The following CTNNA3 variants were observed in gnomAD, a reference collection of about 807,000 sequenced individuals.
CTNNA3 encodes catenin alpha-3.
CTNNA3 carries 76 observed loss-of-function variants against 95.7 expected under a neutral mutation model. The ratio of observed to expected loss-of-function variants is 0.79; its 90% confidence interval spans 0.66 to 0.96. CTNNA3 has a LOEUF of 0.96. Ranked by LOEUF, CTNNA3 falls within the 40% of genes least tolerant of loss-of-function variation. CTNNA3 has a pLI of 0.00. For synonymous variants in CTNNA3, 431 were observed against 374.4 expected (o/e 1.15, Z -1.74); for missense variants, 1,191 against 1,089.8 (o/e 1.09, Z -1.31).
chr10:67,761,356 C>T (rs765118498), intron 1 of CTNNA3, among the ~76,000 whole-genome samples: 19 of 152,136 alleles, frequency 1.2e-4, no homozygotes, highest in African/African-American at 4.1e-4. Context: ...CAGCATTAAA[C>T]TTCTATGATT....
chr10:67,097,124 G>T (rs1381836714), intron 7 of CTNNA3, among the ~76,000 whole-genome samples: 1 of 151,704 alleles, frequency 6.6e-6, no homozygotes, highest in East Asian at 1.9e-4. Flanking sequence ...GGGTGGCAGG[G>T]GGTTGACTAG....
intron 13 of CTNNA3, among the ~76,000 whole-genome samples, chr10:66,104,039 T>C (rs990533117): frequency 1.3e-5 from 2 of 152,186 alleles, no homozygotes; most frequent in African/African-American, 2.4e-5. Context: ...ATCATTAAAA[T>C]CATATATCAT....
At chr10:66,331,436 C>G (rs1173046501) in intron 12 of CTNNA3, among the ~76,000 whole-genome samples, 1 of 144,066 alleles carries the variant, frequency 6.9e-6, no homozygotes, top group Non-Finnish European at 1.5e-5. Context: ...TCACTGCAAG[C>G]TCCGCCTCCC....
At chr10:66,803,942 A>T (rs912299153) in intron 7 of CTNNA3, among the ~76,000 whole-genome samples, 1 of 151,576 alleles carries the variant, frequency 6.6e-6, no homozygotes, top group Non-Finnish European at 1.5e-5. Flanking sequence ...AAGCAGTTAC[A>T]ATTAAAAGAT....
rs74524873 is a variant in CTNNA3, at chr10:66,138,595, G to A, written c.1885-35346C>T. On this transcript the variant is annotated intron_variant, in intron 13 of 17. Coordinates refer to ENST00000433211, the MANE Select transcript of CTNNA3 (RefSeq NM_013266.4). ...TATAATTCCAGCACTTTGGGAGGCC[G>A]AGGTGGGCAGATCACCTGCCATCAG... 2.2e-3 allele frequency among the ~76,000 whole-genome samples: 340 copies of A among 152,290 alleles called. 5 individuals carry two copies. The East Asian group carries it at 0.028, about 13-fold the overall frequency.
At chr10:66,211,497 C>A (rs536196067) in intron 13 of CTNNA3, among the ~76,000 whole-genome samples, 65 of 152,280 alleles carry the variant, frequency 4.3e-4, no homozygotes, top group African/African-American at 1.3e-3. Context: ...AATGAGCTAC[C>A]TGCAGTTGGG....
intron 6 of CTNNA3, among the ~76,000 whole-genome samples, chr10:67,213,095 T>C (rs973070306): frequency 1.4e-4 from 22 of 151,898 alleles, no homozygotes; most frequent in Non-Finnish European, 4.4e-5. Context: ...CAGTAAAAAC[T>C]GTTAACTACT....
chr10:67,358,192 T>C (rs1842882915), intron 5 of CTNNA3, among the ~76,000 whole-genome samples: 2 of 152,058 alleles, frequency 1.3e-5, no homozygotes, highest in South Asian at 2.1e-4. Flanking sequence ...GAAGAAAACA[T>C]AGAAGAAAAT....
At position 66,655,252 on chromosome 10, in the gene CTNNA3, TTAGAA is replaced by T. The variant is rs1846036026; in HGVS notation, c.1282-33473_1282-33469del. Among the ~76,000 whole-genome samples, 3 of 152,194 alleles carry T rather than the reference TTAGAA, an allele frequency of 2.0e-5. No homozygotes were observed. In the South Asian group the frequency reaches 6.2e-4, roughly 32 times the overall value. On this transcript the variant is annotated intron_variant, in intron 9 of 17. Transcript: ENST00000433211. ...TTACTTAAGGTTTAGAAAGTAGAAA[TTAGAA>T]TAGTTACCTCTTTAAAGATATTTGC...
chr10:66,189,617 T>TATATATATATATATATACACAC (rs151078010), intron 13 of CTNNA3, among the ~76,000 whole-genome samples: 63 of 140,364 alleles, frequency 4.5e-4, no homozygotes, highest in African/African-American at 1.4e-3. Flanking sequence ...TATATATATA[T>TATATATATATATATATACACAC]ACACACATAC....
chr10:67,097,357 A>G (rs2394341), intron 7 of CTNNA3, among the ~76,000 whole-genome samples: 86,064 of 151,650 alleles, frequency 0.57, 26,184 homozygotes, highest in African/African-American at 0.8. Context: ...CTACTTATCC[A>G]AATCTTCTAG....
intron 2 of CTNNA3, among the ~76,000 whole-genome samples, chr10:67,643,977 A>C (rs752779205): frequency 1.3e-5 from 2 of 152,178 alleles, no homozygotes; most frequent in African/African-American, 2.4e-5. Flanking sequence ...TATTGTGAAT[A>C]GTGCTCCCAT....
At chr10:67,630,664 A>C (rs1455746507) in intron 2 of CTNNA3, among the ~76,000 whole-genome samples, 1 of 152,204 alleles carries the variant, frequency 6.6e-6, no homozygotes, top group East Asian at 1.9e-4. Context: ...AGAAATGAAA[A>C]AAAGGCCAAG....
At chr10:66,534,317 A>C (rs1418071744) in intron 10 of CTNNA3, among the ~76,000 whole-genome samples, 4 of 152,142 alleles carry the variant, frequency 2.6e-5, no homozygotes, top group Admixed American at 2.6e-4. Flanking sequence ...AGGTAAGAAA[A>C]GCTCTATAAT....
chr10:66,333,487 C>T (rs2092356342), intron 12 of CTNNA3, among the ~76,000 whole-genome samples: 1 of 151,980 alleles, frequency 6.6e-6, no homozygotes, highest in South Asian at 2.1e-4. Context: ...TCGTTATGTA[C>T]CCAGTAGTCA....
chr10:66,885,538 T>A (rs571334068), intron 7 of CTNNA3, among the ~76,000 whole-genome samples: 2 of 152,192 alleles, frequency 1.3e-5, no homozygotes, highest in South Asian at 4.1e-4. Flanking sequence ...CCATATACCA[T>A]GCTCTAATGA....
chr10:66,853,142 G>C (rs966425811), intron 7 of CTNNA3, among the ~76,000 whole-genome samples: 1 of 152,032 alleles, frequency 6.6e-6, no homozygotes, highest in Non-Finnish European at 1.5e-5. Flanking sequence ...TATATGCAAC[G>C]CAAATTTTAT....
At chr10:67,609,380 T>C (rs1290011669) in intron 2 of CTNNA3, among the ~76,000 whole-genome samples, 1 of 152,156 alleles carries the variant, frequency 6.6e-6, no homozygotes, top group Non-Finnish European at 1.5e-5. Context: ...GAGATTTTCG[T>C]TGTTGTTTGT....
chr10:67,017,722 CATCTGTG>C (rs1852741508), intron 7 of CTNNA3, among the ~76,000 whole-genome samples: 1 of 141,360 alleles, frequency 7.1e-6, no homozygotes, highest in Non-Finnish European at 1.5e-5. Flanking sequence ...TCACAAAAAT[CATCTGTG>C]TGTGTGTGTG....
Sources: allele counts gnomAD v4.1 joint callset (sites outside exome capture counted in the v4.1 genomes callset), GRCh38; gene constraint gnomAD v4.1.1; transcripts MANE v1.5; gene names NCBI Gene and HGNC (gene_info 2026-07-23, HGNC 2026-07-21).